The following MTCL1 variants were observed in gnomAD, a reference collection of about 807,000 sequenced individuals.
MTCL1 encodes microtubule crosslinking factor 1, also known as microtubule cross-linking factor 1.
A neutral mutation model predicts 141.4 loss-of-function variants in MTCL1; 79 were observed. That is an observed-to-expected ratio of 0.56 (90% confidence interval 0.47 to 0.67). MTCL1 has a LOEUF of 0.67. Ranked by LOEUF, MTCL1 falls within the 30% of genes least tolerant of loss-of-function variation. The probability of loss-of-function intolerance (pLI) is 0.00; values close to 1 mark genes in which losing one functional copy is unlikely to be tolerated. For synonymous variants in MTCL1, 914 were observed against 875.8 expected, an observed-to-expected ratio of 1.04 and a Z score of -0.77; for missense variants, 2,177 against 2,113.9, an observed-to-expected ratio of 1.03 and a Z score of -0.59.
chr18:8,776,799 A>G (rs2096511769), intron 4 of MTCL1, among the ~76,000 whole-genome samples: 1 of 151,856 alleles, frequency 6.6e-6, no homozygotes, highest in African/African-American at 2.4e-5. Flanking sequence ...TCTGTTGCCC[A>G]GGCTAAAGTA....
chr18:8,784,096 C>G (rs773367040), exon 6 of MTCL1: 3 of 1,613,286 alleles, frequency 1.9e-6, no homozygotes, highest in Non-Finnish European at 2.5e-6. Flanking sequence ...GTCCTGGTGC[C>G]GGGGGTGGGG....
At chr18:8,722,415 A>G (rs1286654569) in intron 4 of MTCL1, among the ~76,000 whole-genome samples, 1 of 152,156 alleles carries the variant, frequency 6.6e-6, no homozygotes, top group Non-Finnish European at 1.5e-5. Context: ...AGAGAAAATA[A>G]TGTATATAGC....
intron 4 of MTCL1, among the ~76,000 whole-genome samples, chr18:8,748,661 A>G (rs557104750): frequency 3.5e-4 from 54 of 152,298 alleles, no homozygotes; most frequent in Admixed American, 6.5e-4. Flanking sequence ...CAGTTTATAT[A>G]TATGTAAATA....
At chr18:8,714,387 T>C (rs2096113317), upstream of MTCL1, among the ~76,000 whole-genome samples, 1 of 152,212 alleles carries the variant, frequency 6.6e-6, no homozygotes, top group African/African-American at 2.4e-5. Context: ...ATATGAATTA[T>C]AAGAGCAGTG....
chr18:8,751,055 C>T (rs566772056), intron 4 of MTCL1, among the ~76,000 whole-genome samples: 1 of 152,282 alleles, frequency 6.6e-6, no homozygotes, highest in East Asian at 1.9e-4. Context: ...AGCGGGCCCC[C>T]AGAAGGACCA....
chr18:8,745,585 C>CAA, intron 4 of MTCL1, among the ~76,000 whole-genome samples: 1 of 152,256 alleles, frequency 6.6e-6, no homozygotes, highest in South Asian at 2.1e-4. Flanking sequence ...TTTGTTATTA[C>CAA]AAAACATGTG....
intron 4 of MTCL1, among the ~76,000 whole-genome samples, chr18:8,768,496 TATAAA>T (rs1429625745): frequency 6.6e-6 from 1 of 152,218 alleles, no homozygotes; most frequent in Non-Finnish European, 1.5e-5. Context: ...GGCAGATTAA[TATAAA>T]ATAGTATGAG....
At position 8,707,847 on chromosome 18, in the gene MTCL1, A is replaced by C. The variant is rs140707516; in HGVS notation, c.1053+1134A>C. Among the ~76,000 whole-genome samples, 90 of 152,324 alleles carry C rather than the reference A, an allele frequency of 5.9e-4. 3 individuals are homozygous for C. The highest frequency in any genetic ancestry group is 2.0e-3 in the African/African-American group (85 of 41,584). On this transcript the variant is annotated intron_variant, in intron 1 of 13. Transcript: ENST00000306329. ...CATGGTGGTGAAGTCTGCAGTTCACACGGAAATCAGAGCACATTAACTGCT... is the reference window on the plus strand; with the variant it reads ...CATGGTGGTGAAGTCTGCAGTTCACCCGGAAATCAGAGCACATTAACTGCT...
At chr18:8,783,863 C>T in exon 6 of MTCL1, 1 of 1,613,088 alleles carries the variant, frequency 6.2e-7, no homozygotes, top group African/African-American at 1.3e-5. Context: ...GCGGGAGGGC[C>T]CGGGTCGGGA....
At chr18:8,714,221 A>G (rs892238015), upstream of MTCL1, among the ~76,000 whole-genome samples, 5 of 152,158 alleles carry the variant, frequency 3.3e-5, no homozygotes, top group African/African-American at 4.8e-5. Flanking sequence ...TGTGGCTTCA[A>G]TTTACTAGAT....
chr18:8,827,191 G>A (rs963034895), intron 15 of MTCL1, among the ~76,000 whole-genome samples: 7 of 152,238 alleles, frequency 4.6e-5, no homozygotes, highest in Non-Finnish European at 7.3e-5. Flanking sequence ...GGAGGAGGAC[G>A]GCAGCTTGCT....
At chr18:8,712,223 A>G (rs2148768847) in intron 1 of MTCL1, among the ~76,000 whole-genome samples, 1 of 152,340 alleles carries the variant, frequency 6.6e-6, no homozygotes, top group South Asian at 2.1e-4. Flanking sequence ...AAAGAAAACA[A>G]GTTGGTGCTA....
intron 11 of MTCL1, chr18:8,809,423 C>T (rs1483708539): frequency 8.9e-6 from 13 of 1,457,222 alleles, no homozygotes; most frequent in Admixed American, 8.7e-5. Flanking sequence ...AAAGTAATCA[C>T]ACACATCTCT....
At chr18:8,729,924 T>C (rs1485625689) in intron 4 of MTCL1, among the ~76,000 whole-genome samples, 1 of 152,104 alleles carries the variant, frequency 6.6e-6, no homozygotes, top group African/African-American at 2.4e-5. Context: ...GAAAGTTTTA[T>C]TGTTTTACAT....
intron 7 of MTCL1, 21 bp downstream of exon 6, chr18:8,786,112 C>CCCCCCCCCA: frequency 1.4e-5 from 19 of 1,362,924 alleles, no homozygotes; most frequent in South Asian, 7.7e-5. Context: ...GCAAGCAATC[C>CCCCCCCCCA]CCCCCCCCCG....
rs182683092 is a variant in MTCL1, at chr18:8,778,238, G to C, written c.417+346G>C. Among the ~76,000 whole-genome samples, 37 of 152,378 alleles carry C rather than the reference G, an allele frequency of 2.4e-4. 1 individual carries two copies. Among genetic ancestry groups the C allele is most frequent in the Admixed American group, 2.1e-3 (32 of 15,308 alleles). On this transcript the variant is annotated intron_variant, in intron 5 of 16. Coordinates refer to ENST00000359865, the Ensembl canonical transcript of MTCL1. ...GTCATCCACACAGTGAAATGAAACA[G>C]CCACTGTGGTGTCGAGTCATTCATA...
At chr18:8,761,536 C>G (rs1346391486) in intron 4 of MTCL1, among the ~76,000 whole-genome samples, 1 of 152,186 alleles carries the variant, frequency 6.6e-6, no homozygotes, top group East Asian at 1.9e-4. Flanking sequence ...TCTGTTCTTT[C>G]TATCTCTATG....
chr18:8,718,692 A>G, intron 3 of MTCL1, 44 bp downstream of exon 2: 2 of 1,576,972 alleles, frequency 1.3e-6, no homozygotes, highest in East Asian at 2.2e-5. Context: ...GCTGCTGTGG[A>G]CCGGCTGGCC....
chr18:8,776,718 AC>A (rs2096510547), intron 4 of MTCL1, among the ~76,000 whole-genome samples: 1 of 142,638 alleles, frequency 7.0e-6, no homozygotes, highest in Non-Finnish European at 1.5e-5. Context: ...CTCAGGAAAC[AC>A]TAGTTATTTA....
Sources: allele counts gnomAD v4.1 joint callset (sites outside exome capture counted in the v4.1 genomes callset), GRCh38; gene constraint gnomAD v4.1.1; transcripts MANE v1.5; gene names NCBI Gene and HGNC (gene_info 2026-07-23, HGNC 2026-07-21).